Variants in DCN observed in about 807,000 individuals in gnomAD.
The protein encoded by DCN is decorin.
Under a neutral mutation model 36.5 loss-of-function variants are expected in DCN, and 17 were observed. That is an observed-to-expected ratio of 0.47 (90% CI 0.32 to 0.70). The LOEUF is 0.70. DCN is among the 30% of genes least tolerant of loss of function. The pLI is 0.04. For synonymous variants in DCN, 163 were observed against 161.4 expected (o/e 1.01, Z -0.07); for missense variants, 389 against 430.1 (o/e 0.90, Z 0.84).
At position 91,141,166 on chromosome 12, in the gene DCN, C is replaced by T. The variant is rs1880743586; in HGVS notation, c.*4892G>A. On this transcript the variant is annotated 3_prime_UTR_variant, in exon 8 of 8. Coordinates refer to ENST00000052754, the MANE Select transcript of DCN (RefSeq NM_001920.5). Reference sequence around the variant, plus strand: ...CTCTACCGAGACCCCTCTAATAGCTCTCTGTCTTACTCAGAGTAAAAGCTC... The same window carrying T: ...CTCTACCGAGACCCCTCTAATAGCTTTCTGTCTTACTCAGAGTAAAAGCTC... 1.3e-5 allele frequency: 2 copies of T among 152,150 alleles called. No homozygotes were observed. Among genetic ancestry groups the T allele is most frequent in the Non-Finnish European group, 2.9e-5 (2 of 68,040 alleles). The allele number at this position is 152,150 out of a possible 1,614,324, so 9.4% of individuals were successfully genotyped here. A position where few individuals can be genotyped will look rare whatever the true frequency, so the allele number is the denominator to read the frequency against.
At position 91,172,724 on chromosome 12, in the gene DCN, C is replaced by A. The variant is rs1883046598; in HGVS notation, c.211+5618G>T. 3 of 696,932 alleles carry A rather than the reference C, an allele frequency of 4.3e-6. No homozygotes were observed. The South Asian group carries it at 4.5e-5, about 10-fold the overall frequency. 43.2% of individuals were successfully genotyped at this position (696,932 alleles called of 1,614,324 possible). On this transcript the variant is annotated intron_variant, in intron 2 of 7. Transcript: ENST00000052754. ...GTCAAGAATATTGTAGAATATTCAT[C>A]CAAGCATTAATTCAAGAACCAAGCC...
chr12:91,158,393 T>A lies in DCN; in HGVS notation c.441A>T (p.Lys147Asn). Residue 147 changes from lysine (K) to asparagine (N), a missense_variant, in exon 4 of 8, where the codon AAA becomes AAT. By Grantham distance (94) the Lys-to-Asn change is moderately conservative (BLOSUM62 0). Coordinates refer to ENST00000052754, the MANE Select transcript of DCN (RefSeq NM_001920.5). ...SKNQLKELPEKMPKTLQELRA... is the reference protein window; with the variant it reads ...SKNQLKELPENMPKTLQELRA... Reference sequence around the variant, plus strand: ...GCAGCTCCTGAAGAGTTTTGGGCATTTTTTCTGGCAATTCCTTCAGCTGAT... The same window carrying A: ...GCAGCTCCTGAAGAGTTTTGGGCATATTTTCTGGCAATTCCTTCAGCTGAT... The A allele has an allele frequency of 6.2e-7, 1 of 1,613,442 alleles. No individual in the cohort carries two copies. The highest frequency in any genetic ancestry group is 8.5e-7 in the Non-Finnish European group (1 of 1,179,346).
chr12:91,148,166 C>T (rs1338258058), intron 7 of DCN, among the ~76,000 whole-genome samples: 3 of 151,832 alleles, frequency 2.0e-5, no homozygotes, highest in African/African-American at 2.4e-5. Flanking sequence ...CTCCGCCTCC[C>T]GGGTTCACGC....
At chr12:91,150,002 A>G (rs568365048) in intron 7 of DCN, among the ~76,000 whole-genome samples, 32 of 152,324 alleles carry the variant, frequency 2.1e-4, no homozygotes, top group African/African-American at 7.7e-4. Context: ...CTGTAGATTC[A>G]AAACAATACC....
Position 91,158,618 on chromosome 12 carries a change from A to C in DCN, c.325-109T>G. On this transcript the variant is annotated intron_variant, in intron 3 of 7. Transcript: ENST00000052754. The stretch of plus-strand genomic sequence containing the variant: ...TCATAGGGATAGCAGAGAAATCTAA[A>C]AAATTGCAAGAAATCAGAAAAAAAT... The C allele has an allele frequency of 5.4e-6, 4 of 734,554 alleles. No individual in the cohort carries two copies. In the South Asian group the frequency reaches 6.0e-5, roughly 11 times the overall value. 45.5% of individuals were successfully genotyped at this position (734,554 alleles called of 1,614,324 possible).
chr12:91,150,591 G>T (rs190793416), intron 7 of DCN, among the ~76,000 whole-genome samples: 1 of 152,246 alleles, frequency 6.6e-6, no homozygotes, highest in African/African-American at 2.4e-5. Flanking sequence ...TCAGGAAACA[G>T]TAGATGCTGA....
intron 5 of DCN, among the ~76,000 whole-genome samples, chr12:91,154,816 C>A (rs901204659): frequency 6.6e-6 from 1 of 152,110 alleles, no homozygotes; most frequent in Non-Finnish European, 1.5e-5. Context: ...GTAATCCTCA[C>A]AATAATCCTA....
chr12:91,164,763 T>G (rs749198797), intron 2 of DCN, 46 bp from the exon 3 acceptor site: 2 of 935,818 alleles, frequency 2.1e-6, no homozygotes, highest in African/African-American at 3.2e-5. Flanking sequence ...AAAGGACATG[T>G]GGCTACAGAA....
intron 7 of DCN, among the ~76,000 whole-genome samples, chr12:91,149,121 G>A (rs1881241104): frequency 6.6e-6 from 1 of 151,404 alleles, no homozygotes; most frequent in Non-Finnish European, 1.5e-5. Context: ...TAAGACCAAA[G>A]CCAGACAAAA....
chr12:91,175,805 G>A (rs1318079923), intron 2 of DCN: 1 of 152,074 alleles, frequency 6.6e-6, no homozygotes, highest in Non-Finnish European at 1.5e-5. Flanking sequence ...TAGATCACTA[G>A]AGGACATAAA....
At chr12:91,172,794 T>C (rs1565787667) in intron 2 of DCN, 2 of 700,232 alleles carry the variant, frequency 2.9e-6, no homozygotes, top group Middle Eastern at 2.3e-4. Context: ...CAGTGATGTG[T>C]AAAGAGTCTA....
chr12:91,165,784 G>A (rs1353490338), intron 2 of DCN, among the ~76,000 whole-genome samples: 2 of 152,094 alleles, frequency 1.3e-5, no homozygotes, highest in Non-Finnish European at 2.9e-5. Context: ...GAAACTTGAA[G>A]TACTGAAGAT....
intron 3 of DCN, among the ~76,000 whole-genome samples, chr12:91,159,600 T>C (rs1265030154): frequency 6.6e-6 from 1 of 152,032 alleles, no homozygotes; most frequent in Non-Finnish European, 1.5e-5. Flanking sequence ...TTTTTGCCTT[T>C]TTTTATGTGT....
intron 1 of DCN, chr12:91,180,384 GAA>G (rs368569895): frequency 6.6e-6 from 1 of 151,260 alleles, no homozygotes; most frequent in Non-Finnish European, 1.5e-5. Flanking sequence ...GAAAGTGAAA[GAA>G]AGAGAGAGAG....
intron 5 of DCN, among the ~76,000 whole-genome samples, chr12:91,156,354 A>G (rs891464481): frequency 6.6e-6 from 1 of 152,228 alleles, no homozygotes; most frequent in African/African-American, 2.4e-5. Flanking sequence ...AATGCATAAT[A>G]GAGAGTTATA....
chr12:91,152,132 T>G (rs1881470692), intron 6 of DCN, among the ~76,000 whole-genome samples: 1 of 152,212 alleles, frequency 6.6e-6, no homozygotes, highest in African/African-American at 2.4e-5. Context: ...AACTGTTCAC[T>G]TATTCAAACA....
chr12:91,158,743 C>A (rs1487462604), intron 3 of DCN, among the ~76,000 whole-genome samples: 1 of 152,194 alleles, frequency 6.6e-6, no homozygotes, highest in African/African-American at 2.4e-5. Context: ...GGGAGGATCA[C>A]TTGAGGCCAG....
In DCN at chr12:91,178,510, A is replaced by G. The variant is rs767929330; in HGVS notation, c.43T>C (p.Trp15Arg). The change falls in exon 2 of 8, where the codon TGG (tryptophan) becomes CGG (arginine). Residue 15 changes from tryptophan to arginine, a missense_variant. Trp to Arg is a moderately radical substitution (Grantham distance 101). Transcript: ENST00000052754. ...IILLLLAQVSWAGPFQQRGLF... is the reference protein window; with the variant it reads ...IILLLLAQVSRAGPFQQRGLF... ...CCTCTCTGTTGAAACGGTCCAGCCCAGGAAACTTGTGCAAGCAGAAGGAGG... is the reference window on the plus strand; with the variant it reads ...CCTCTCTGTTGAAACGGTCCAGCCCGGGAAACTTGTGCAAGCAGAAGGAGG... The G allele has an allele frequency of 3.7e-6, 6 of 1,613,670 alleles. No individual in the cohort carries two copies. The highest frequency in any genetic ancestry group is 4.2e-6 in the Non-Finnish European group (5 of 1,179,960).
intron 1 of DCN, chr12:91,179,232 C>T (rs940736936): frequency 6.5e-6 from 1 of 154,254 alleles, no homozygotes; most frequent in Non-Finnish European, 1.4e-5. Context: ...AGTCCCTGTG[C>T]TGTATGTCAG....
Sources: allele counts gnomAD v4.1 joint callset (sites outside exome capture counted in the v4.1 genomes callset), GRCh38; gene constraint gnomAD v4.1.1; transcripts MANE v1.5; gene names NCBI Gene and HGNC (gene_info 2026-07-23, HGNC 2026-07-21).